CDH13: variants seen among roughly 807,000 people sequenced by gnomAD.
CDH13 encodes cadherin 13.
A neutral mutation model predicts 63.8 loss-of-function variants in CDH13; 24 were observed. The observed-to-expected ratio is 0.38, with a 90% confidence interval of 0.27 to 0.53. CDH13 has a LOEUF of 0.53. Ranked by LOEUF, CDH13 falls within the 20% of genes least tolerant of loss-of-function variation. The probability of loss-of-function intolerance (pLI) is 0.85; values close to 1 mark genes in which losing one functional copy is unlikely to be tolerated. For synonymous variants in CDH13, 503 were observed against 355.3 expected (o/e 1.42, Z -4.67); for missense variants, 1,049 against 903.1 (o/e 1.16, Z -2.07).
chr16:82,667,116 G>A (rs1912680627), intron 1 of CDH13, among the ~76,000 whole-genome samples: 1 of 152,160 alleles, frequency 6.6e-6, no homozygotes, highest in African/African-American at 2.4e-5. Context: ...GAAGTTATCT[G>A]ATGCCAGCTT....
Position 83,348,200 on chromosome 16 carries a change from G to T in CDH13, c.781+3194G>T, listed in dbSNP as rs149065835. ...GAAAGACTCCATCTAGGAAAAAAAT[G>T]AAACCTAAGAGCCACGTGACCCACT... On this transcript the variant is annotated intron_variant, in intron 6 of 13. Transcript: ENST00000567109. Among the ~76,000 whole-genome samples, 12 of 152,180 alleles carry T rather than the reference G, an allele frequency of 7.9e-5. No individual in the cohort carries two copies. The East Asian group carries it at 2.3e-3, about 29-fold the overall frequency.
chr16:83,421,839 A>G (rs975976914), intron 6 of CDH13, among the ~76,000 whole-genome samples: 2 of 152,230 alleles, frequency 1.3e-5, no homozygotes, highest in Admixed American at 1.3e-4. Context: ...CTTTTTCCAT[A>G]ATTAGTTCTT....
chr16:83,539,641 T>C (rs2075262563), intron 7 of CDH13, among the ~76,000 whole-genome samples: 1 of 152,220 alleles, frequency 6.6e-6, no homozygotes, highest in African/African-American at 2.4e-5. Flanking sequence ...AGCTGATATT[T>C]TCAGAGCATT....
chr16:82,800,006 T>C (rs28562657), intron 1 of CDH13, among the ~76,000 whole-genome samples: 1 of 152,214 alleles, frequency 6.6e-6, no homozygotes, highest in African/African-American at 2.4e-5. Flanking sequence ...AGATGTTTAC[T>C]AAGGGACTAC....
intron 7 of CDH13, among the ~76,000 whole-genome samples, chr16:83,598,972 C>A (rs939108713): frequency 1.3e-5 from 2 of 152,180 alleles, no homozygotes; most frequent in Admixed American, 1.3e-4. Flanking sequence ...ATGTCCTCAT[C>A]GCATGATGAT....
chr16:82,703,338 C>A (rs1156446639), intron 1 of CDH13, among the ~76,000 whole-genome samples: 1 of 152,114 alleles, frequency 6.6e-6, no homozygotes, highest in African/African-American at 2.4e-5. Flanking sequence ...TCACTGTGAA[C>A]CCTGAGATGT....
intron 1 of CDH13, among the ~76,000 whole-genome samples, chr16:82,660,439 G>T: frequency 7.2e-6 from 1 of 139,454 alleles, no homozygotes; most frequent in Non-Finnish European, 1.5e-5. Context: ...TGCCTGCCGG[G>T]GCGTGCGGGG....
rs577570572 is a variant in CDH13 at position 83,063,017 on chromosome 16, C to A, written c.366+30799C>A. Among the ~76,000 whole-genome samples the A allele has an allele frequency of 3.5e-5, 5 of 142,340 alleles. No individual in the cohort carries two copies. The South Asian group carries it at 1.1e-3, about 32-fold the overall frequency. 93.4% of individuals were successfully genotyped at this position (142,340 alleles called of 152,430 possible). On this transcript the variant is annotated intron_variant, in intron 3 of 13. Transcript: ENST00000567109. Reference sequence around the variant, plus strand: ...TTGCTCTATTACCCAGGCTGGAGTTCAGGGTGCGATCTCGGCTCACTGCAA... The same window carrying A: ...TTGCTCTATTACCCAGGCTGGAGTTAAGGGTGCGATCTCGGCTCACTGCAA...
intron 4 of CDH13, among the ~76,000 whole-genome samples, chr16:83,181,349 G>A (rs184568281): frequency 1.3e-5 from 2 of 152,312 alleles, no homozygotes; most frequent in Admixed American, 6.5e-5. Flanking sequence ...AGTCTGCAGA[G>A]GGGTCCACTG....
intron 4 of CDH13, among the ~76,000 whole-genome samples, chr16:83,204,491 T>C (rs1252008427): frequency 6.6e-6 from 1 of 152,230 alleles, no homozygotes; most frequent in Non-Finnish European, 1.5e-5. Flanking sequence ...AAGCATTTCC[T>C]ATGTCTCAGG....
intron 8 of CDH13, among the ~76,000 whole-genome samples, chr16:83,667,320 C>T (rs1914080942): frequency 6.6e-6 from 1 of 152,164 alleles, no homozygotes; most frequent in Non-Finnish European, 1.5e-5. Flanking sequence ...ATAAAACTAT[C>T]AGTGTCATGG....
intron 1 of CDH13, among the ~76,000 whole-genome samples, chr16:82,743,942 A>G (rs1472071988): frequency 3.3e-5 from 5 of 152,202 alleles, no homozygotes; most frequent in South Asian, 2.1e-4. Context: ...TTCATCTGGC[A>G]TGTATTAGGC....
intron 6 of CDH13, among the ~76,000 whole-genome samples, chr16:83,470,110 C>T (rs1181228943): frequency 9.9e-5 from 15 of 152,166 alleles, no homozygotes; most frequent in Non-Finnish European, 1.9e-4. Context: ...TGAATCAAAG[C>T]CCCTGCACAC....
intron 10 of CDH13, among the ~76,000 whole-genome samples, chr16:83,744,934 C>T (rs1036476407): frequency 1.1e-4 from 16 of 152,186 alleles, no homozygotes; most frequent in Non-Finnish European, 4.4e-5. Flanking sequence ...CAGAGGGTGA[C>T]AGCAGGCCTT....
At chr16:83,703,400 A>G (rs1312564807) in intron 10 of CDH13, among the ~76,000 whole-genome samples, 1 of 152,224 alleles carries the variant, frequency 6.6e-6, no homozygotes, top group African/African-American at 2.4e-5. Flanking sequence ...CAACAATAGG[A>G]GGCTGGATAA....
intron 6 of CDH13, among the ~76,000 whole-genome samples, chr16:83,471,865 T>C (rs2073462529): frequency 6.6e-6 from 1 of 152,198 alleles, no homozygotes; most frequent in African/African-American, 2.4e-5. Flanking sequence ...CTTGGGATAT[T>C]GTTGAGGCTT....
intron 6 of CDH13, among the ~76,000 whole-genome samples, chr16:83,482,800 C>G (rs1195195923): frequency 1.3e-5 from 2 of 152,178 alleles, no homozygotes; most frequent in Non-Finnish European, 2.9e-5. Context: ...AAACCCAGAT[C>G]TGCACACTAA....
chr16:83,108,986 C>G (rs1325502269), intron 3 of CDH13, among the ~76,000 whole-genome samples: 4 of 152,188 alleles, frequency 2.6e-5, no homozygotes, highest in Non-Finnish European at 4.4e-5. Context: ...TCCTCATTCT[C>G]CTGCCCACAT....
chr16:82,858,376 A>T lies in CDH13; in HGVS notation c.60A>T (p.Thr20=). Residue 20 remains threonine, a synonymous_variant, in exon 2 of 14, where the codon ACA becomes ACT. Coordinates refer to ENST00000567109, the MANE Select transcript of CDH13 (RefSeq NM_001257.5). Reference sequence around the variant, plus strand: ...GGTTTTCTCAGGTGCTGCTGCTAACATCTGCAGAAGATTTGGACTGCACTC... The same window carrying T: ...GGTTTTCTCAGGTGCTGCTGCTAACTTCTGCAGAAGATTTGGACTGCACTC... ...CVLLSQVLLL[T]SAEDLDCTPG... is the part of the protein sequence containing the mutation. 1.2e-6 allele frequency: 2 copies of T among 1,612,176 alleles called. No individual in the cohort carries two copies. Among genetic ancestry groups the T allele is most frequent in the East Asian group, 4.5e-5 (2 of 44,866 alleles).
Sources: allele counts gnomAD v4.1 joint callset (sites outside exome capture counted in the v4.1 genomes callset), GRCh38; gene constraint gnomAD v4.1.1; transcripts MANE v1.5; gene names NCBI Gene and HGNC (gene_info 2026-07-23, HGNC 2026-07-21).